Variants in PPARGC1B observed in about 807,000 individuals in gnomAD.
PPARGC1B encodes peroxisome proliferator-activated receptor gamma coactivator 1-beta.
PPARGC1B carries 34 observed loss-of-function variants against 101.6 expected under a neutral mutation model. The observed-to-expected ratio is 0.33, with a 90% CI of 0.25 to 0.45. The LOEUF (loss-of-function observed/expected upper bound fraction) is 0.45. Ranked by LOEUF, PPARGC1B falls within the 20% of genes least tolerant of loss-of-function variation. PPARGC1B has a pLI of 1.00. For missense variants in PPARGC1B, 1,234 were observed against 1,317.6 expected (o/e 0.94, Z 0.98); for synonymous variants, 548 against 539.3 (o/e 1.02, Z -0.22).
intron 1 of PPARGC1B, among the ~76,000 whole-genome samples, chr5:149,778,970 C>T (rs1756495962): frequency 6.6e-6 from 1 of 152,136 alleles, no homozygotes; most frequent in African/African-American, 2.4e-5. Flanking sequence ...GGAGTTTCGT[C>T]ACAGACCAGT....
intron 1 of PPARGC1B, among the ~76,000 whole-genome samples, chr5:149,771,627 T>C (rs1756134679): frequency 6.6e-6 from 1 of 152,254 alleles, no homozygotes. Flanking sequence ...CCTGTTACCG[T>C]GTCCTACATA....
intron 1 of PPARGC1B, among the ~76,000 whole-genome samples, chr5:149,778,314 C>G (rs192894494): frequency 1.3e-5 from 2 of 151,958 alleles, no homozygotes; most frequent in African/African-American, 4.8e-5. Context: ...CTGTCTGTCT[C>G]TTACCCGCCA....
intron 2 of PPARGC1B, among the ~76,000 whole-genome samples, chr5:149,824,618 A>C (rs979244182): frequency 6.6e-6 from 1 of 152,182 alleles, no homozygotes; most frequent in African/African-American, 2.4e-5. Flanking sequence ...GTGGTCGCTG[A>C]GGCCCAAGTT....
At chr5:149,736,640 G>A (rs951618565) in intron 1 of PPARGC1B, among the ~76,000 whole-genome samples, 3 of 152,082 alleles carry the variant, frequency 2.0e-5, no homozygotes, top group African/African-American at 7.2e-5. Flanking sequence ...TGCTGCACCC[G>A]ACTTTGTCTT....
At chr5:149,790,690 T>C (rs1325616937) in intron 1 of PPARGC1B, among the ~76,000 whole-genome samples, 7 of 152,178 alleles carry the variant, frequency 4.6e-5, no homozygotes, top group Admixed American at 4.6e-4. Flanking sequence ...GATTATTTGC[T>C]TTCCTGTCAC....
chr5:149,750,340 A>G (rs912482036), intron 1 of PPARGC1B, among the ~76,000 whole-genome samples: 2 of 151,604 alleles, frequency 1.3e-5, no homozygotes, highest in Non-Finnish European at 2.9e-5. Context: ...CTGACAGATG[A>G]TATCTACAAT....
Position 149,833,736 on chromosome 5 carries a change from G to A in PPARGC1B, c.1663G>A (p.Asp555Asn), listed in dbSNP as rs760588552. The A allele has an allele frequency of 2.0e-5, 31 of 1,578,734 alleles. No individual in the cohort carries two copies. The highest frequency in any genetic ancestry group is 2.5e-5 in the Non-Finnish European group (29 of 1,166,226). Residue 555 changes from aspartate (D) to asparagine (N), a missense_variant, in exon 5 of 12, where the codon GAC becomes AAC. Around this residue, in one of 3 missense-constraint regions of PPARGC1B, gnomAD observed 734 missense variants for 768.4 expected, o/e 0.96. Transcript: ENST00000309241. The surrounding 1 kb of genome is among the most constrained non-coding windows in gnomAD (Gnocchi z 4.1). ...GAGCCCCTGTGAGAGTGGGTGTGGG[G>A]ACATGGATGAGGACCCCAGCTGCCC... ...LESPCESGCG[D>N]MDEDPSCPQL... is the part of the protein sequence containing the mutation.
chr5:149,834,061 A>G (rs1758941939), intron 5 of PPARGC1B, among the ~76,000 whole-genome samples: 1 of 152,256 alleles, frequency 6.6e-6, no homozygotes, highest in Admixed American at 6.5e-5. Flanking sequence ...GAAAAGGAGG[A>G]TAATTACAAA....
At chr5:149,788,741 C>T (rs1756900369) in intron 1 of PPARGC1B, among the ~76,000 whole-genome samples, 1 of 152,152 alleles carries the variant, frequency 6.6e-6, no homozygotes, top group Non-Finnish European at 1.5e-5. Flanking sequence ...GAATACTATG[C>T]AGCCATAAAA....
At chr5:149,762,717 C>T (rs1376177973) in intron 1 of PPARGC1B, among the ~76,000 whole-genome samples, 2 of 152,196 alleles carry the variant, frequency 1.3e-5, no homozygotes, top group Non-Finnish European at 2.9e-5. Context: ...TTGGGGACAG[C>T]CTTGGCAACT....
At chr5:149,768,144 G>T (rs1755987522) in intron 1 of PPARGC1B, among the ~76,000 whole-genome samples, 1 of 152,174 alleles carries the variant, frequency 6.6e-6, no homozygotes, top group Non-Finnish European at 1.5e-5. Context: ...AATAGAAGCA[G>T]GCTTTTCAGT....
intron 1 of PPARGC1B, among the ~76,000 whole-genome samples, chr5:149,741,256 C>T (rs1294872183): frequency 6.6e-6 from 1 of 152,248 alleles, no homozygotes; most frequent in Non-Finnish European, 1.5e-5. Context: ...GCAGTTGCAG[C>T]AGCCGGCCCA....
In PPARGC1B at chr5:149,817,916, C is replaced by T. The variant is rs148595624; in HGVS notation, c.79-2517C>T. 1.9e-3 allele frequency: 830 copies of T among 435,758 alleles called. 7 individuals are homozygous for T. The highest frequency in any genetic ancestry group is 0.015 in the African/African-American group (751 of 49,688). The allele number at this position is 435,758 out of a possible 1,614,324, so 27.0% of individuals were successfully genotyped here. A position where few individuals can be genotyped will look rare whatever the true frequency, so the allele number is the denominator to read the frequency against. ...CATATGTCCAAACAAGACTTGTATG[C>T]AAGTATTGCAGACTTACTAGAAATG... On this transcript the variant is annotated intron_variant, in intron 1 of 11. Coordinates refer to ENST00000309241, the MANE Select transcript of PPARGC1B (RefSeq NM_133263.4).
chr5:149,744,270 A>C (rs2113096781), intron 1 of PPARGC1B, among the ~76,000 whole-genome samples: 1 of 152,308 alleles, frequency 6.6e-6, no homozygotes, highest in Non-Finnish European at 1.5e-5. Flanking sequence ...CAAGCTTGGC[A>C]GTCATGTCAA....
chr5:149,763,449 T>A (rs558268282), intron 1 of PPARGC1B, among the ~76,000 whole-genome samples: 12 of 151,330 alleles, frequency 7.9e-5, no homozygotes, highest in African/African-American at 2.9e-4. Flanking sequence ...GTCCTGGCTG[T>A]GGCTGAGTGG....
chr5:149,846,783 T>G (rs1420412298), intron 11 of PPARGC1B: 2 of 154,514 alleles, frequency 1.3e-5, no homozygotes, highest in African/African-American at 4.8e-5. Flanking sequence ...AGTTTCCCAA[T>G]CTATTAAAAA....
At chr5:149,844,648 A>G (rs1759484875) in intron 10 of PPARGC1B, among the ~76,000 whole-genome samples, 1 of 152,204 alleles carries the variant, frequency 6.6e-6, no homozygotes. Context: ...TCAAAAAACA[A>G]ATAAATAGAT....
At chr5:149,820,049 A>G (rs1561583923) in intron 1 of PPARGC1B, among the ~76,000 whole-genome samples, 1 of 152,208 alleles carries the variant, frequency 6.6e-6, no homozygotes, top group Non-Finnish European at 1.5e-5. Flanking sequence ...CATTATTAAT[A>G]TAGAGGCATT....
chr5:149,843,953 G>A (rs1343163066), intron 10 of PPARGC1B, among the ~76,000 whole-genome samples: 1 of 152,142 alleles, frequency 6.6e-6, no homozygotes, highest in Admixed American at 6.5e-5. Context: ...CTATTTCGTC[G>A]AAACAGAAAG....
Sources: allele counts gnomAD v4.1 joint callset (sites outside exome capture counted in the v4.1 genomes callset), GRCh38; gene constraint gnomAD v4.1.1; regional missense constraint gnomAD v4.1.1; non-coding constraint Gnocchi (gnomAD v3.1); transcripts MANE v1.5; gene names NCBI Gene and HGNC (gene_info 2026-07-23, HGNC 2026-07-21).